Variants in MYH14 observed in about 807,000 individuals in gnomAD.
MYH14 encodes myosin heavy chain 14.
MYH14 carries 123 observed loss-of-function variants against 255.5 expected under a neutral mutation model. The observed-to-expected ratio is 0.48, with a 90% CI of 0.42 to 0.56. MYH14 has a LOEUF of 0.56. Ranked by LOEUF, MYH14 falls within the 20% of genes least tolerant of loss-of-function variation. The pLI is 0.00. For missense variants in MYH14, 2,423 were observed against 2,802.3 expected, an observed-to-expected ratio of 0.86 and a Z score of 3.06; for synonymous variants, 1,095 against 1,161.2, an observed-to-expected ratio of 0.94 and a Z score of 1.16.
chr19:50,296,388 G>A (rs1368019849), intron 39 of MYH14, among the ~76,000 whole-genome samples: 1 of 151,958 alleles, frequency 6.6e-6, no homozygotes, highest in Non-Finnish European at 1.5e-5. Context: ...CAGGAGGATT[G>A]CTTGAGCCCA....
chr19:50,233,462 G>A lies in MYH14; in HGVS notation c.1114+1392G>A, dbSNP rs1468194713. Among the ~76,000 whole-genome samples the A allele has an allele frequency of 5.9e-5, 9 of 152,006 alleles. No homozygotes were observed. In the East Asian group the frequency reaches 1.7e-3, roughly 29 times the overall value. ...TGGGATTCCAGGCGTGAGCCGCTGC[G>A]CCCAGCCTGTGCCCCCACTTTTTTC... On this transcript the variant is annotated intron_variant, in intron 10 of 42. Coordinates refer to ENST00000642316, the MANE Select transcript of MYH14 (RefSeq NM_001145809.2).
intron 2 of MYH14, among the ~76,000 whole-genome samples, chr19:50,212,124 G>T (rs569986539): frequency 1.3e-5 from 2 of 152,292 alleles, no homozygotes; most frequent in South Asian, 4.1e-4. Context: ...AAACGGATGG[G>T]GTAGAGCAGT....
rs199583971 is a variant in MYH14 at position 50,217,769 on chromosome 19, A to G, written c.560A>G (p.Gln187Arg). ...GAGGGGGCCTATCGGAGCATGCTGC[A>G]GGGTGAGTGCTGGGTGGGGCTGTAG... ...VTEGAYRSML[Q>R]DREDQSILCT... Residue 187 changes from glutamine to arginine, a missense_variant and splice_region_variant, in exon 3 of 43, where the codon CAG becomes CGG. Coordinates refer to ENST00000642316, the MANE Select transcript of MYH14 (RefSeq NM_001145809.2). 161 of 1,613,272 alleles carry G rather than the reference A, an allele frequency of 1.0e-4. No individual in the cohort carries two copies. The highest frequency in any genetic ancestry group is 2.2e-5 in the Non-Finnish European group (26 of 1,179,790).
intron 2 of MYH14, among the ~76,000 whole-genome samples, chr19:50,215,581 G>C (rs1367644185): frequency 6.6e-6 from 1 of 152,218 alleles, no homozygotes; most frequent in Non-Finnish European, 1.5e-5. Flanking sequence ...GGCATGCCGG[G>C]GTGGGAAGAT....
intron 16 of MYH14, among the ~76,000 whole-genome samples, chr19:50,254,565 A>G (rs1182929603): frequency 6.6e-6 from 1 of 152,196 alleles, no homozygotes; most frequent in Non-Finnish European, 1.5e-5. Flanking sequence ...TCCAAAAGAA[A>G]AAGTGGAAGC....
In MYH14 at chr19:50,309,692, G is replaced by A. The variant is rs765145417; in HGVS notation, c.6013G>A (p.Glu2005Lys). The A allele has an allele frequency of 3.1e-6, 5 of 1,609,212 alleles. No individual in the cohort carries two copies. The highest frequency in any genetic ancestry group is 2.2e-5 in the South Asian group (2 of 89,876). Residue 2005 changes from glutamate (E) to lysine (K), a missense_variant, in exon 43 of 43, where the codon GAG (glutamate) becomes AAG (lysine). Glu to Lys is a moderately conservative substitution (Grantham distance 56, BLOSUM62 1). Coordinates refer to ENST00000642316, the MANE Select transcript of MYH14 (RefSeq NM_001145809.2). ...TRTVRQVFRL[E>K]EGVASDEEAE... ...CACGGTGCGCCAGGTCTTCCGACTA[G>A]AGGAGGGCGTGGCATCCGACGAGGA...
At chr19:50,282,347 A>G (rs1271176847) in intron 33 of MYH14, among the ~76,000 whole-genome samples, 3 of 152,180 alleles carry the variant, frequency 2.0e-5, no homozygotes, top group Non-Finnish European at 4.4e-5. Flanking sequence ...CGGCCTCTTG[A>G]TGGCTGTGTG....
chr19:50,260,153 AC>A (rs1352980864), intron 19 of MYH14, among the ~76,000 whole-genome samples: 2 of 151,840 alleles, frequency 1.3e-5, no homozygotes, highest in Non-Finnish European at 2.9e-5. Context: ...CTGGCTGGGC[AC>A]TGTGGCTCAT....
intron 36 of MYH14, 132 bp from the exon 37 acceptor site, chr19:50,292,129 G>T (rs935260883): frequency 2.3e-5 from 21 of 904,590 alleles, no homozygotes; most frequent in Admixed American, 1.1e-4. Context: ...AGGAGCCCAG[G>T]TCTGCAGGGT....
chr19:50,271,556 C>A lies in MYH14; in HGVS notation c.3171+10C>A. 6.2e-7 allele frequency: 1 copy of A among 1,601,168 alleles called. No homozygotes were observed. Among genetic ancestry groups the A allele is most frequent in the East Asian group, 2.2e-5 (1 of 44,482 alleles). ...TTCCAAGCTGAGCAAGGTTGGGGGC[C>A]TGAGGGCAGCTGGGAAAGTGGGGAT... is the stretch of plus-strand genomic sequence containing the variant. On this transcript the variant is annotated intron_variant, in intron 25 of 42. Coordinates refer to ENST00000642316, the MANE Select transcript of MYH14 (RefSeq NM_001145809.2).
At chr19:50,274,860 A>C (rs1008827995) in intron 27 of MYH14, among the ~76,000 whole-genome samples, 5 of 151,142 alleles carry the variant, frequency 3.3e-5, no homozygotes, top group African/African-American at 1.2e-4. Context: ...GAACCTGGGA[A>C]GTCGAGGCTG....
chr19:50,217,828 C>G (rs560937808), intron 3 of MYH14, 57 bp downstream of exon 3: 4 of 1,583,532 alleles, frequency 2.5e-6, no homozygotes, highest in Non-Finnish European at 3.4e-6. Flanking sequence ...GGGGCCTGAC[C>G]TGGGGCTGCC....
intron 10 of MYH14, among the ~76,000 whole-genome samples, chr19:50,242,567 G>A (rs902109176): frequency 1.3e-5 from 2 of 152,120 alleles, no homozygotes; most frequent in East Asian, 3.9e-4. Flanking sequence ...TGGGTCCCTC[G>A]CACAACACAT....
chr19:50,253,257 A>G (rs6509458), intron 16 of MYH14, among the ~76,000 whole-genome samples: 72,549 of 151,840 alleles, frequency 0.48, 18,089 homozygotes, highest in Non-Finnish European at 0.54. Context: ...AGCCTGGCCA[A>G]CATGGTGAAA....
chr19:50,279,443 G>A (rs990530679), intron 30 of MYH14, among the ~76,000 whole-genome samples: 4 of 152,144 alleles, frequency 2.6e-5, no homozygotes, highest in African/African-American at 9.7e-5. Context: ...CCAGCTGCCT[G>A]ACCAACATGG....
At chr19:50,210,907 T>G (rs2032161801) in intron 2 of MYH14, 137 bp downstream of exon 2, 1 of 1,403,912 alleles carries the variant, frequency 7.1e-7, no homozygotes, top group Non-Finnish European at 9.3e-7. Context: ...GTTCCTACAC[T>G]TACATGGTTG....
chr19:50,297,236 G>A (rs145238567), intron 39 of MYH14, among the ~76,000 whole-genome samples: 1,715 of 151,856 alleles, frequency 0.011, 39 homozygotes, highest in African/African-American at 0.039. Flanking sequence ...CGCCCGCCTC[G>A]GCCTCCCAAA....
In MYH14 at chr19:50,249,101, C is replaced by G. The variant is rs1179450273; in HGVS notation, c.1444C>G (p.Leu482Val). 1 of 1,598,782 alleles carries G rather than the reference C, an allele frequency of 6.3e-7. No individual in the cohort carries two copies. The highest frequency in any genetic ancestry group is 1.3e-5 in the African/African-American group (1 of 74,664). The change falls in exon 13 of 43, where the codon CTG becomes GTG. Residue 482 changes from leucine (L) to valine (V), a missense_variant. This residue lies in a region of MYH14 where 672 missense variants were observed against 881.8 expected (regional missense o/e 0.76). Coordinates refer to ENST00000642316, the MANE Select transcript of MYH14 (RefSeq NM_001145809.2). ...CAGCCCCCGCCAAGGCGCCTCCTTC[C>G]TGGGCATCCTGGACATCGCGGGCTT... Reference protein sequence around the residue: ...DRSPRQGASFLGILDIAGFEI... With the variant: ...DRSPRQGASFVGILDIAGFEI...
At chr19:50,308,757 G>A (rs1601080678) in intron 41 of MYH14, 1 of 486,854 alleles carries the variant, frequency 2.1e-6, no homozygotes, top group East Asian at 3.1e-5. Flanking sequence ...GAGGGTCTGG[G>A]TCAGCTCTGG....
Sources: gnomAD v4.1 joint callset for allele counts (sites outside exome capture counted in the v4.1 genomes callset) on GRCh38, gnomAD v4.1.1 for gene constraint, gnomAD v4.1.1 regional missense constraint, MANE v1.5 for transcripts, NCBI Gene and HGNC (gene_info 2026-07-23, HGNC 2026-07-21) for gene names.